TEX29: variants seen among roughly 807,000 people sequenced by gnomAD.
The protein encoded by TEX29 is testis expressed 29.
Under a neutral mutation model 18.2 loss-of-function variants are expected in TEX29, and 26 were observed. The observed-to-expected ratio is 1.43, with a 90% CI of 1.04 to 1.98. TEX29 has a LOEUF of 1.98. Ranked by LOEUF, TEX29 falls within the 30% of genes most tolerant of loss-of-function variation. TEX29 has a pLI of 0.00. For missense variants in TEX29, 177 were observed against 194.2 expected (o/e 0.91, Z 0.53); for synonymous variants, 83 against 78.5 (o/e 1.06, Z -0.31).
intron 3 of TEX29, among the ~76,000 whole-genome samples, chr13:111,335,903 G>A (rs1182207115): frequency 6.6e-6 from 1 of 152,158 alleles, no homozygotes; most frequent in Non-Finnish European, 1.5e-5. Flanking sequence ...CCCATCCCCT[G>A]AGCACCTTTT....
At chr13:111,328,906 G>A (rs189845558) in intron 3 of TEX29, among the ~76,000 whole-genome samples, 10 of 152,338 alleles carry the variant, frequency 6.6e-5, no homozygotes, top group Admixed American at 4.6e-4. Context: ...GAAGGCTTCC[G>A]GAGGGAGGCG....
chr13:111,336,488 T>C (rs2093689828), intron 3 of TEX29, among the ~76,000 whole-genome samples: 1 of 152,226 alleles, frequency 6.6e-6, no homozygotes, highest in Admixed American at 6.5e-5. Context: ...ATCTGTATTA[T>C]TAAGAATATG....
rs972927269 is a variant in TEX29 at position 111,321,043 on chromosome 13, G to A, written c.58+95G>A. On this transcript the variant is annotated intron_variant, in intron 2 of 5. Coordinates refer to ENST00000283547, the MANE Select transcript of TEX29 (RefSeq NM_152324.3). ...TGTTTGAGCCCCTGGCGCGGACAGG[G>A]GGTCCTGGTCCCAGACCTGGCTAGG... 9.4e-5 allele frequency: 133 copies of A among 1,417,924 alleles called. 2 individuals are homozygous for A. The highest frequency in any genetic ancestry group is 2.0e-5 in the Admixed American group (1 of 50,232). The allele number at this position is 1,417,924 out of a possible 1,614,324, so 87.8% of individuals were successfully genotyped here. A position where few individuals can be genotyped will look rare whatever the true frequency, so the allele number is the denominator to read the frequency against.
At chr13:111,329,523 C>G (rs573314934) in intron 3 of TEX29, among the ~76,000 whole-genome samples, 1 of 151,342 alleles carries the variant, frequency 6.6e-6, no homozygotes, top group Non-Finnish European at 1.5e-5. Context: ...AGTCGGGAAA[C>G]GTTAGTGACT....
chr13:111,333,867 A>G (rs1797280190), intron 3 of TEX29, among the ~76,000 whole-genome samples: 1 of 152,214 alleles, frequency 6.6e-6, no homozygotes, highest in African/African-American at 2.4e-5. Flanking sequence ...TGCCCCCATG[A>G]GCCAACCACC....
At chr13:111,331,715 T>C (rs1311398372) in intron 3 of TEX29, among the ~76,000 whole-genome samples, 1 of 152,188 alleles carries the variant, frequency 6.6e-6, no homozygotes, top group Non-Finnish European at 1.5e-5. Flanking sequence ...CTTTTTATCC[T>C]TTTTGAGTTA....
At chr13:111,327,916 G>T (rs754037946) in intron 2 of TEX29, among the ~76,000 whole-genome samples, 1 of 152,262 alleles carries the variant, frequency 6.6e-6, no homozygotes, top group East Asian at 1.9e-4. Flanking sequence ...CGTGCCTGGC[G>T]CTGCTGCGCG....
intron 3 of TEX29, among the ~76,000 whole-genome samples, chr13:111,337,131 C>G (rs774844857): frequency 1.3e-5 from 2 of 152,188 alleles, no homozygotes; most frequent in Non-Finnish European, 2.9e-5. Flanking sequence ...TCGATCGATT[C>G]TGTTTGTTGA....
intron 3 of TEX29, among the ~76,000 whole-genome samples, chr13:111,335,986 A>G (rs2093689149): frequency 6.6e-6 from 1 of 152,228 alleles, no homozygotes; most frequent in Non-Finnish European, 1.5e-5. Flanking sequence ...AAGTTAGAAC[A>G]ATCGCCGCAT....
At chr13:111,317,526 G>A (rs187270395), upstream of TEX29, among the ~76,000 whole-genome samples, 6 of 152,274 alleles carry the variant, frequency 3.9e-5, no homozygotes, top group South Asian at 2.1e-4. Flanking sequence ...TCCGGCCTTC[G>A]TGTTGTTTTA....
At chr13:111,330,708 C>T (rs778747629) in intron 3 of TEX29, among the ~76,000 whole-genome samples, 6 of 152,218 alleles carry the variant, frequency 3.9e-5, no homozygotes, top group East Asian at 3.8e-4. Flanking sequence ...AGAACCCTCA[C>T]GCCCATTAGC....
At position 111,344,215 on chromosome 13, in the gene TEX29, C is replaced by A; in HGVS notation, c.*92C>A. On this transcript the variant is annotated 3_prime_UTR_variant, in exon 6 of 6. Coordinates refer to ENST00000283547, the MANE Select transcript of TEX29 (RefSeq NM_152324.3). ...TTAACAGTGTGATGGAATGACCACC[C>A]AAAGAGAAAAAAATAAAGGTATTTT... 3 of 1,045,840 alleles carry A rather than the reference C, an allele frequency of 2.9e-6. No individual in the cohort carries two copies. Among genetic ancestry groups the A allele is most frequent in the Admixed American group, 2.3e-5 (1 of 43,828 alleles). The allele number at this position is 1,045,840 out of a possible 1,614,324, so 64.8% of individuals were successfully genotyped here.
At chr13:111,320,974 C>CGGGTG (rs2093663298) in intron 2 of TEX29, 26 bp downstream of exon 2, 1 of 160,646 alleles carries the variant, frequency 6.2e-6, no homozygotes, top group African/African-American at 1.5e-4. Flanking sequence ...GCCAGGGGGG[C>CGGGTG]GGGTGGGGTG....
At chr13:111,331,366 A>G (rs1245682488) in intron 3 of TEX29, among the ~76,000 whole-genome samples, 2 of 147,504 alleles carry the variant, frequency 1.4e-5, no homozygotes, top group Admixed American at 1.4e-4. Flanking sequence ...CTGGAAGAAA[A>G]GTCTATTCAA....
chr13:111,319,335 C>G (rs963579915), upstream of TEX29, among the ~76,000 whole-genome samples: 1 of 152,164 alleles, frequency 6.6e-6, no homozygotes, highest in Non-Finnish European at 1.5e-5. Flanking sequence ...CATCCACAGA[C>G]GAATGACTAA....
intron 3 of TEX29, among the ~76,000 whole-genome samples, chr13:111,333,311 A>G (rs1236908700): frequency 1.3e-5 from 2 of 152,112 alleles, no homozygotes; most frequent in African/African-American, 4.8e-5. Flanking sequence ...TCTTTCTGTT[A>G]TCTTTCTCCT....
chr13:111,331,183 C>A (rs538440635), intron 3 of TEX29, among the ~76,000 whole-genome samples: 1 of 152,306 alleles, frequency 6.6e-6, no homozygotes, highest in South Asian at 2.1e-4. Flanking sequence ...ATGCGAGTTC[C>A]AATTTCTCCA....
At chr13:111,318,514 C>G (rs1448098292), upstream of TEX29, among the ~76,000 whole-genome samples, 15 of 152,230 alleles carry the variant, frequency 9.9e-5, no homozygotes, top group Non-Finnish European at 2.2e-4. Flanking sequence ...GTGAACACCC[C>G]TCTCCCTGTG....
chr13:111,336,818 A>T (rs1408538147), intron 3 of TEX29, among the ~76,000 whole-genome samples: 1 of 152,234 alleles, frequency 6.6e-6, no homozygotes, highest in Non-Finnish European at 1.5e-5. Flanking sequence ...CTAGACAGAC[A>T]CTGTACGGAG....
Sources: allele counts gnomAD v4.1 joint callset (sites outside exome capture counted in the v4.1 genomes callset), GRCh38; gene constraint gnomAD v4.1.1; transcripts MANE v1.5; gene names NCBI Gene and HGNC (gene_info 2026-07-23, HGNC 2026-07-21).